The following RYR2 variants were observed in gnomAD, a reference collection of about 807,000 sequenced individuals.
RYR2 encodes ryanodine receptor 2, also known as cardiac muscle ryanodine receptor-calcium release channel.
RYR2 carries 227 observed loss-of-function variants against 601.1 expected under a neutral mutation model. The ratio of observed to expected loss-of-function variants is 0.38; its 90% CI spans 0.34 to 0.42. The LOEUF is 0.42. Among genes scored for constraint, RYR2 ranks in the 10% least tolerant of loss-of-function variants. The pLI is 1.00. For missense variants in RYR2, 4,646 were observed against 6,156.5 expected (o/e 0.75, Z 8.21); for synonymous variants, 2,223 against 2,175.1 (o/e 1.02, Z -0.61).
rs144685976 is a variant in RYR2 at position 237,689,954 on chromosome 1, C to T, written c.9067+2450C>T. 2.0e-3 allele frequency among the ~76,000 whole-genome samples: 301 copies of T among 151,640 alleles called. 2 individuals are homozygous for T. Among genetic ancestry groups the T allele is most frequent in the Middle Eastern group, 0.014 (4 of 292 alleles). ...CCGCCTCCCAGGTTCAAGCAATTTT[C>T]CTGCCTCAGCCTCCCAAGTAGCTGG... On this transcript the variant is annotated intron_variant, in intron 63 of 104. Coordinates refer to ENST00000366574, the MANE Select transcript of RYR2 (RefSeq NM_001035.3).
intron 3 of RYR2, among the ~76,000 whole-genome samples, chr1:237,338,084 G>A (rs557342803): frequency 5.3e-5 from 8 of 152,226 alleles, no homozygotes; most frequent in South Asian, 2.1e-4. Flanking sequence ...ATGTCACATC[G>A]TCACAGGTGC....
At chr1:237,768,838 A>G (rs1324166163) in intron 84 of RYR2, among the ~76,000 whole-genome samples, 1 of 152,166 alleles carries the variant, frequency 6.6e-6, no homozygotes, top group African/African-American at 2.4e-5. Context: ...ATGGTAAACG[A>G]AGGCCTGACT....
chr1:237,386,761 G>T (rs1323659783), intron 8 of RYR2, among the ~76,000 whole-genome samples: 1 of 152,164 alleles, frequency 6.6e-6, no homozygotes, highest in South Asian at 2.1e-4. Context: ...TTAGATAGCT[G>T]TTAGGAAATA....
intron 1 of RYR2, among the ~76,000 whole-genome samples, chr1:237,115,456 A>C (rs1189691239): frequency 6.6e-6 from 1 of 152,216 alleles, no homozygotes; most frequent in Non-Finnish European, 1.5e-5. Context: ...TGATTCCAAC[A>C]CAAAGGAGTA....
chr1:237,297,387 A>T (rs1679771187), intron 2 of RYR2, among the ~76,000 whole-genome samples: 1 of 152,176 alleles, frequency 6.6e-6, no homozygotes, highest in Admixed American at 6.5e-5. Context: ...AACACGAGTA[A>T]TAACTTCTAT....
At chr1:237,050,625 T>A (rs1661140493) in intron 1 of RYR2, among the ~76,000 whole-genome samples, 1 of 152,226 alleles carries the variant, frequency 6.6e-6, no homozygotes, top group Admixed American at 6.5e-5. Flanking sequence ...GAGTTTAGAA[T>A]CTGATTCATA....
chr1:237,449,349 A>T (rs1419569736), intron 14 of RYR2, among the ~76,000 whole-genome samples: 1 of 152,148 alleles, frequency 6.6e-6, no homozygotes, highest in Non-Finnish European at 1.5e-5. Context: ...AATTTGCCAC[A>T]GTCTACCTTT....
chr1:237,317,848 G>T (rs1274003240), intron 2 of RYR2, among the ~76,000 whole-genome samples: 1 of 152,036 alleles, frequency 6.6e-6, no homozygotes, highest in African/African-American at 2.4e-5. Flanking sequence ...CCTATTTGTA[G>T]TTTTTAATCT....
At chr1:237,826,369 C>T (rs567563533) in intron 101 of RYR2, among the ~76,000 whole-genome samples, 1 of 152,176 alleles carries the variant, frequency 6.6e-6, no homozygotes, top group East Asian at 1.9e-4. Context: ...TTTGCAGGGA[C>T]GTGGATGAAG....
rs1057524068 is a variant in RYR2 at position 237,806,223 on chromosome 1, T to C, written c.14238T>C (p.Ile4746=). The C allele has an allele frequency of 1.2e-6, 2 of 1,613,344 alleles. No homozygotes were observed. The highest frequency in any genetic ancestry group is 2.2e-5 in the South Asian group (2 of 91,078). Reference sequence around the variant, plus strand: ...TTTTTGCCGCTCACCTTCTCGACATTGCTATGGGATTCAAGACATTAAGAA... The same window carrying C: ...TTTTTGCCGCTCACCTTCTCGACATCGCTATGGGATTCAAGACATTAAGAA... ...NFFFAAHLLD[I]AMGFKTLRTI... The change falls in exon 99 of 105, where the codon ATT becomes ATC. Residue 4746 remains isoleucine (I), a synonymous_variant. Transcript: ENST00000366574.
intron 2 of RYR2, among the ~76,000 whole-genome samples, chr1:237,288,868 G>C (rs1572486636): frequency 1.3e-5 from 2 of 152,238 alleles, no homozygotes; most frequent in African/African-American, 4.8e-5. Context: ...AGGCCAGCTA[G>C]AGATTTCCTT....
At chr1:237,682,754 CGTT>C (rs1215376488) in intron 62 of RYR2, among the ~76,000 whole-genome samples, 1 of 152,058 alleles carries the variant, frequency 6.6e-6, no homozygotes, top group Non-Finnish European at 1.5e-5. Flanking sequence ...ATAGAAAAAG[CGTT>C]GGTAAATTTT....
intron 79 of RYR2, among the ~76,000 whole-genome samples, chr1:237,737,538 C>T (rs990844804): frequency 2.0e-5 from 3 of 152,314 alleles, no homozygotes; most frequent in Admixed American, 1.3e-4. Context: ...GTCAGCTATC[C>T]TGTATTATAC....
intron 1 of RYR2, among the ~76,000 whole-genome samples, chr1:237,172,952 C>A (rs756896918): frequency 1.3e-5 from 2 of 152,126 alleles, no homozygotes; most frequent in African/African-American, 4.8e-5. Context: ...AATGACAGAA[C>A]TTGTTTTTAG....
chr1:237,242,192 TG>T (rs1686252732), intron 1 of RYR2, among the ~76,000 whole-genome samples: 2 of 44,628 alleles, frequency 4.5e-5, no homozygotes, highest in East Asian at 1.8e-3. Context: ...TTTTGATCAC[TG>T]TTTTTTTTGT....
At chr1:237,644,824 G>A (rs1681955857) in intron 48 of RYR2, among the ~76,000 whole-genome samples, 1 of 152,040 alleles carries the variant, frequency 6.6e-6, no homozygotes. Flanking sequence ...CTGAGGTCAG[G>A]AGTTCGAGAC....
intron 6 of RYR2, among the ~76,000 whole-genome samples, chr1:237,373,005 G>T (rs1197369329): frequency 1.3e-5 from 2 of 152,132 alleles, no homozygotes; most frequent in African/African-American, 2.4e-5. Context: ...TATGTTAATA[G>T]TTATAGGTAC....
In RYR2 at chr1:237,532,039, G is replaced by C. The variant is rs114452822; in HGVS notation, c.2906+1529G>C. ...TTGAGTACTCTATCCTACATTATAA[G>C]TAAGATATGTATCTAAATTGAATTT... On this transcript the variant is annotated intron_variant, in intron 25 of 104. Coordinates refer to ENST00000366574, the MANE Select transcript of RYR2 (RefSeq NM_001035.3). 9.0e-3 allele frequency among the ~76,000 whole-genome samples: 1,365 copies of C among 152,062 alleles called. 21 individuals are homozygous for C. Among genetic ancestry groups the C allele is most frequent in the African/African-American group, 0.031 (1,286 of 41,502 alleles).
intron 2 of RYR2, among the ~76,000 whole-genome samples, chr1:237,314,864 A>G (rs981502306): frequency 2.6e-5 from 4 of 152,214 alleles, no homozygotes; most frequent in Non-Finnish European, 5.9e-5. Context: ...TTGAACCACT[A>G]TTGCCATAAA....
Sources: gnomAD v4.1 joint callset for allele counts (sites outside exome capture counted in the v4.1 genomes callset) on GRCh38, gnomAD v4.1.1 for gene constraint, MANE v1.5 for transcripts, NCBI Gene and HGNC (gene_info 2026-07-23, HGNC 2026-07-21) for gene names.